Variants in RANBP2 observed in about 807,000 individuals in gnomAD.
RANBP2 encodes E3 SUMO-protein ligase RanBP2.
A neutral mutation model predicts 303.6 loss-of-function variants in RANBP2; 57 were observed. The ratio of observed to expected loss-of-function variants is 0.19; its 90% CI spans 0.15 to 0.23. The LOEUF is 0.23. RANBP2 is among the 10% of genes least tolerant of loss of function. The pLI is 1.00. For missense variants in RANBP2, 3,138 were observed against 3,780.8 expected (o/e 0.83, Z 4.46); for synonymous variants, 1,167 against 1,301.5 (o/e 0.90, Z 2.23).
At chr2:108,749,275 G>C in intron 9 of RANBP2, 146 bp downstream of exon 9, 1 of 1,416,258 alleles carries the variant, frequency 7.1e-7, no homozygotes, top group Non-Finnish European at 9.8e-7. Flanking sequence ...ATGTGGTGCT[G>C]TGGGGGTGGC....
At chr2:108,748,530 T>C (rs1675568890) in intron 8 of RANBP2, among the ~76,000 whole-genome samples, 1 of 152,018 alleles carries the variant, frequency 6.6e-6, no homozygotes, top group African/African-American at 2.4e-5. Context: ...CGGAAATAAT[T>C]CTTAAAAGCT....
At chr2:109,699,025 C>A in the RANBP2 span, among the ~76,000 whole-genome samples, 3 of 152,134 alleles carry the variant, frequency 2.0e-5, no homozygotes, top group Non-Finnish European at 4.4e-5. Context: ...GGGTGTAAGG[C>A]GGCCTTTGTT....
the RANBP2 span, among the ~76,000 whole-genome samples, chr2:109,568,593 C>T: frequency 6.6e-6 from 1 of 152,142 alleles, no homozygotes; most frequent in Non-Finnish European, 1.5e-5. Context: ...AGAAATCTCA[C>T]ATTTTCTTCT....
At chr2:109,460,551 G>C in the RANBP2 span, among the ~76,000 whole-genome samples, 1 of 152,228 alleles carries the variant, frequency 6.6e-6, no homozygotes, top group African/African-American at 2.4e-5. Context: ...GCTGAGGAAA[G>C]AGGCTCAGTC....
chr2:109,720,760 CA>C, the RANBP2 span, among the ~76,000 whole-genome samples: 1 of 152,264 alleles, frequency 6.6e-6, no homozygotes, highest in African/African-American at 2.4e-5. Flanking sequence ...TGTGAGTTGC[CA>C]AGGTTACCTG....
chr2:109,430,734 G>A, the RANBP2 span, among the ~76,000 whole-genome samples: 4 of 152,294 alleles, frequency 2.6e-5, no homozygotes, highest in East Asian at 5.8e-4. Context: ...CCTAGACATA[G>A]CATTGAAACT....
At chr2:108,789,390 TG>T (rs1262096378), downstream of RANBP2, among the ~76,000 whole-genome samples, 2 of 152,086 alleles carry the variant, frequency 1.3e-5, no homozygotes, top group African/African-American at 4.8e-5. Context: ...GTCAGGAGTT[TG>T]AGACCATCCT....
At chr2:109,364,629 C>G in the RANBP2 span, among the ~76,000 whole-genome samples, 14 of 152,202 alleles carry the variant, frequency 9.2e-5, no homozygotes, top group Admixed American at 1.3e-4. Flanking sequence ...CACAAATGTT[C>G]TATAGTCCTG....
the RANBP2 span, among the ~76,000 whole-genome samples, chr2:109,078,863 C>A: frequency 6.6e-6 from 1 of 151,328 alleles, no homozygotes; most frequent in African/African-American, 2.4e-5. Flanking sequence ...TGGTGGCACA[C>A]ACCCGTAGTC....
At chr2:109,405,748 C>T in the RANBP2 span, among the ~76,000 whole-genome samples, 1 of 152,338 alleles carries the variant, frequency 6.6e-6, no homozygotes, top group South Asian at 2.1e-4. Context: ...TGTCTCTTTG[C>T]CTACAGGACT....
the RANBP2 span, among the ~76,000 whole-genome samples, chr2:108,962,920 T>C: frequency 7.9e-5 from 12 of 152,292 alleles, no homozygotes; most frequent in African/African-American, 2.9e-4. Flanking sequence ...ACAATCCCAG[T>C]GTTGTTCTAG....
the RANBP2 span, among the ~76,000 whole-genome samples, chr2:109,572,609 CTTTTTTTTTTTT>C: frequency 2.3e-4 from 26 of 111,222 alleles, no homozygotes; most frequent in South Asian, 7.9e-3. Context: ...TTTAAAACAA[CTTTTTTTTTTTT>C]TTTTTTTTTT....
At chr2:109,011,899 A>C in the RANBP2 span, among the ~76,000 whole-genome samples, 1 of 151,910 alleles carries the variant, frequency 6.6e-6, no homozygotes, top group Non-Finnish European at 1.5e-5. Flanking sequence ...TGTGTGTGCC[A>C]TGTGTATGTG....
the RANBP2 span, among the ~76,000 whole-genome samples, chr2:109,698,392 G>C: frequency 2.0e-5 from 3 of 151,344 alleles, no homozygotes; most frequent in African/African-American, 4.9e-5. Context: ...CTTGAAACTG[G>C]GAGGTGGAGG....
At chr2:109,619,202 A>T in the RANBP2 span, among the ~76,000 whole-genome samples, 3 of 152,212 alleles carry the variant, frequency 2.0e-5, no homozygotes, top group Non-Finnish European at 4.4e-5. Context: ...TAGTAAGATT[A>T]TAAGAGTCAG....
chr2:109,280,998 C>T, the RANBP2 span, among the ~76,000 whole-genome samples: 1 of 152,208 alleles, frequency 6.6e-6, no homozygotes, highest in Non-Finnish European at 1.5e-5. Flanking sequence ...GATCTGCAGA[C>T]CTTAAAGCCT....
the RANBP2 span, among the ~76,000 whole-genome samples, chr2:109,317,286 C>A: frequency 1.3e-5 from 2 of 152,146 alleles, no homozygotes; most frequent in Non-Finnish European, 2.9e-5. Flanking sequence ...AAGTCTTGCC[C>A]ATGGTGACAG....
At chr2:109,608,843 A>G in the RANBP2 span, among the ~76,000 whole-genome samples, 1 of 152,246 alleles carries the variant, frequency 6.6e-6, no homozygotes, top group African/African-American at 2.4e-5. Context: ...AAGAAAGTGT[A>G]AGAATTAAAG....
chr2:109,423,789 G>A, the RANBP2 span, among the ~76,000 whole-genome samples: 1 of 152,146 alleles, frequency 6.6e-6, no homozygotes, highest in Non-Finnish European at 1.5e-5. Flanking sequence ...ACAGACAGAT[G>A]CGACCAAGAA....
Sources: allele counts gnomAD v4.1 joint callset (sites outside exome capture counted in the v4.1 genomes callset), GRCh38; gene constraint gnomAD v4.1.1; transcripts MANE v1.5; gene names NCBI Gene and HGNC (gene_info 2026-07-23, HGNC 2026-07-21).